Variants in NXNL2 observed in about 807,000 individuals in gnomAD.
NXNL2 encodes the protein nucleoredoxin like 2.
In NXNL2, 7 loss-of-function variants were observed where a neutral mutation model predicts 11.1. That is an observed-to-expected ratio of 0.63 (90% confidence interval 0.36 to 1.18). The LOEUF (loss-of-function observed/expected upper bound fraction) is 1.18. NXNL2 is among the 50% of genes most tolerant of loss of function. NXNL2 has a pLI of 0.02. For missense variants in NXNL2, 233 were observed against 217.7 expected (o/e 1.07, Z -0.44); for synonymous variants, 109 against 101.8 (o/e 1.07, Z -0.42).
intron 1 of NXNL2, among the ~76,000 whole-genome samples, chr9:88,553,928 A>C (rs1829977820): frequency 1.3e-5 from 2 of 152,186 alleles, no homozygotes; most frequent in Non-Finnish European, 2.9e-5. Flanking sequence ...TGTTGTCATG[A>C]TTTTGTTACA....
intron 1 of NXNL2, among the ~76,000 whole-genome samples, chr9:88,543,270 C>CTT (rs370174841): frequency 3.5e-5 from 5 of 143,256 alleles, no homozygotes; most frequent in Non-Finnish European, 7.7e-5. Flanking sequence ...GGAATTTTAA[C>CTT]TTTTTTTTTT....
chr9:88,575,075 ATTCC>A, intron 2 of NXNL2: 1 of 940,102 alleles, frequency 1.1e-6, no homozygotes, highest in Non-Finnish European at 1.3e-6. Context: ...TCCCCTTCTT[ATTCC>A]TTTGAAGCCA....
At chr9:88,562,271 G>T (rs1364176583) in intron 1 of NXNL2, among the ~76,000 whole-genome samples, 1 of 152,102 alleles carries the variant, frequency 6.6e-6, no homozygotes, top group Non-Finnish European at 1.5e-5. Context: ...GCTCACTCTT[G>T]GTGGAGGGGT....
At chr9:88,545,845 C>T (rs1204380809), downstream of NXNL2, among the ~76,000 whole-genome samples, 2 of 152,102 alleles carry the variant, frequency 1.3e-5, no homozygotes, top group Non-Finnish European at 2.9e-5. Context: ...CAGCTCACTG[C>T]AACCTCCGCC....
At chr9:88,573,921 G>C (rs1830311446) in intron 2 of NXNL2, among the ~76,000 whole-genome samples, 1 of 152,208 alleles carries the variant, frequency 6.6e-6, no homozygotes, top group African/African-American at 2.4e-5. Flanking sequence ...GGCACCGTGA[G>C]ATACCACCTC....
At chr9:88,568,554 C>A (rs1830212394) in intron 1 of NXNL2, among the ~76,000 whole-genome samples, 1 of 152,222 alleles carries the variant, frequency 6.6e-6, no homozygotes, top group South Asian at 2.1e-4. Context: ...CTGGCATTAT[C>A]TTTCCATATT....
At chr9:88,551,140 C>G (rs114120126) in intron 1 of NXNL2, among the ~76,000 whole-genome samples, 4 of 152,170 alleles carry the variant, frequency 2.6e-5, no homozygotes, top group Admixed American at 2.0e-4. Context: ...TTTCATGATG[C>G]CTTAGCAAGC....
rs529088841 is a variant in NXNL2, at chr9:88,556,996, G to A, written c.303-14091G>A. On this transcript the variant is annotated intron_variant, in intron 1 of 2. Transcript: ENST00000375855. ...CTCAGGAGGCTGAGACAGGAGAATC[G>A]CTTGAACCCGGGAGGCGGAGGTTGC... is the stretch of plus-strand genomic sequence containing the variant. Among the ~76,000 whole-genome samples the A allele has an allele frequency of 6.1e-4, 90 of 148,432 alleles. 1 individual carries two copies. The South Asian group carries it at 0.017, about 27-fold the overall frequency.
At chr9:88,571,232 A>AT (rs1427891836) in intron 2 of NXNL2, 21 of 240,900 alleles carry the variant, frequency 8.7e-5, no homozygotes, top group East Asian at 3.5e-4. Flanking sequence ...TGCCAGGCTA[A>AT]TTTTTTTTGT....
At chr9:88,574,239 T>C (rs937900020) in intron 2 of NXNL2, among the ~76,000 whole-genome samples, 7 of 152,224 alleles carry the variant, frequency 4.6e-5, no homozygotes, top group African/African-American at 1.4e-4. Flanking sequence ...AATTGATGAA[T>C]GGATACACAA....
At chr9:88,556,431 T>G (rs980544110) in intron 1 of NXNL2, among the ~76,000 whole-genome samples, 1 of 152,078 alleles carries the variant, frequency 6.6e-6, no homozygotes, top group Admixed American at 6.6e-5. Context: ...GTTTTTGACA[T>G]GAGAGGGGAC....
intron 1 of NXNL2, among the ~76,000 whole-genome samples, chr9:88,561,455 TCTA>T (rs1454716071): frequency 1.3e-5 from 2 of 151,904 alleles, no homozygotes; most frequent in Non-Finnish European, 2.9e-5. Context: ...CTATCTACCA[TCTA>T]CTATCTATCT....
rs557458869 is a variant in NXNL2 at position 88,541,487 on chromosome 9, T to C, written c.303-2892T>C. ...TGTCACCCAGGGATGTCTTGAACTC[T>C]TGGGCTCAAGTGATCCTCTCACCTT... On this transcript the variant is annotated intron_variant, in intron 1 of 1. Transcript: ENST00000375854. 5.3e-5 allele frequency among the ~76,000 whole-genome samples: 8 copies of C among 152,268 alleles called. No homozygotes were observed. In the South Asian group the frequency reaches 1.7e-3, roughly 32 times the overall value.
At chr9:88,563,166 C>T (rs7048828) in intron 1 of NXNL2, among the ~76,000 whole-genome samples, 3 of 152,076 alleles carry the variant, frequency 2.0e-5, no homozygotes, top group Admixed American at 1.3e-4. Flanking sequence ...AGAGATAGAC[C>T]GACTTGATTC....
downstream of NXNL2, among the ~76,000 whole-genome samples, chr9:88,578,830 C>A (rs1343264639): frequency 6.6e-6 from 1 of 152,234 alleles, no homozygotes; most frequent in Non-Finnish European, 1.5e-5. Context: ...ATACAGGGAA[C>A]TGATTCACGG....
rs142065572 is a variant in NXNL2, at chr9:88,535,691, T to C, written c.257T>C (p.Leu86Pro). Reference sequence around the variant, plus strand: ...GAGATGCTGGACTTCATGCGCGAGCTGCATGGCGCCTGGCTGGCGCTGCCC... The same window carrying C: ...GAGATGCTGGACTTCATGCGCGAGCCGCATGGCGCCTGGCTGGCGCTGCCC... Reference protein sequence around the residue: ...SQEMLDFMRELHGAWLALPFH... With the variant: ...SQEMLDFMREPHGAWLALPFH... The change falls in exon 1 of 2, where the codon CTG becomes CCG. Residue 86 changes from leucine (L) to proline (P), a missense_variant. Physicochemically the swap from Leu to Pro is moderately conservative, Grantham distance 98. Transcript: ENST00000375854. The C allele has an allele frequency of 6.9e-6, 11 of 1,601,226 alleles. No individual in the cohort carries two copies. The highest frequency in any genetic ancestry group is 1.3e-5 in the African/African-American group (1 of 74,580).
At chr9:88,560,682 C>T (rs546288277) in intron 1 of NXNL2, among the ~76,000 whole-genome samples, 4 of 152,206 alleles carry the variant, frequency 2.6e-5, no homozygotes, top group East Asian at 3.9e-4. Context: ...GGTTGGAGAT[C>T]GCTTGAGCTC....
At chr9:88,549,868 G>A (rs1017300857), downstream of NXNL2, among the ~76,000 whole-genome samples, 9 of 152,108 alleles carry the variant, frequency 5.9e-5, no homozygotes, top group East Asian at 1.9e-4. Flanking sequence ...TTTTGCACTC[G>A]TTGCCCAGGC....
chr9:88,567,088 G>T (rs1275429155), intron 1 of NXNL2, among the ~76,000 whole-genome samples: 1 of 152,056 alleles, frequency 6.6e-6, no homozygotes, highest in East Asian at 1.9e-4. Context: ...CCATCTGCCT[G>T]GTTGATAGAA....
Sources: gnomAD v4.1 joint callset for allele counts (sites outside exome capture counted in the v4.1 genomes callset) on GRCh38, gnomAD v4.1.1 for gene constraint, MANE v1.5 for transcripts, NCBI Gene and HGNC (gene_info 2026-07-23, HGNC 2026-07-21) for gene names.